The following HMGN5 variants were observed in gnomAD, a reference collection of about 807,000 sequenced individuals.
HMGN5 encodes high mobility group nucleosome binding domain 5, also known as high mobility group nucleosome-binding domain-containing protein 5.
A neutral mutation model predicts 9.5 loss-of-function variants in HMGN5; 4 were observed. That is an observed-to-expected ratio of 0.42 (90% CI 0.21 to 0.96). The LOEUF (loss-of-function observed/expected upper bound fraction) is 0.96, where lower values mean the gene tolerates loss of function less well. Among genes scored for constraint, HMGN5 ranks in the 40% least tolerant of loss-of-function variants. The pLI is 0.30. For synonymous variants in HMGN5, 55 were observed against 57.1 expected (o/e 0.96, Z 0.16); for missense variants, 192 against 187.5 (o/e 1.02, Z -0.14).
chrX:81,153,625 ATATATATATATATATG>A (rs2075374606), intron 1 of HMGN5, among the ~76,000 whole-genome samples: 1 of 47,955 alleles, frequency 2.1e-5, no homozygotes. Flanking sequence ...ATATATATAT[ATATATATATATATATG>A]TATCTCCTTG....
intron 1 of HMGN5, among the ~76,000 whole-genome samples, chrX:81,152,239 G>A (rs900825046): frequency 1.8e-5 from 2 of 111,361 alleles, no homozygotes; most frequent in East Asian, 2.8e-4. Flanking sequence ...TTTCACAACC[G>A]ACTCATCTGA....
chrX:81,133,869 T>C (rs1055527851), intron 1 of HMGN5, among the ~76,000 whole-genome samples: 1 of 111,859 alleles, frequency 8.9e-6, no homozygotes, highest in African/African-American at 3.2e-5. Flanking sequence ...AATAGAAGTA[T>C]AAAAAGTTAT....
chrX:81,189,213 C>T (rs766491900), intron 1 of HMGN5, among the ~76,000 whole-genome samples: 10 of 111,893 alleles, frequency 8.9e-5, no homozygotes, highest in South Asian at 3.7e-4. Context: ...GTCTGCTGCC[C>T]GAGAGTCTCT....
chrX:81,145,636 A>G (rs907340726), intron 1 of HMGN5, among the ~76,000 whole-genome samples: 3 of 111,931 alleles, frequency 2.7e-5, no homozygotes, highest in African/African-American at 9.8e-5. Flanking sequence ...GACAGGATCA[A>G]ATTGACACAT....
At chrX:81,136,626 A>T (rs1394966341) in intron 1 of HMGN5, among the ~76,000 whole-genome samples, 1 of 112,010 alleles carries the variant, frequency 8.9e-6, no homozygotes, top group Non-Finnish European at 1.9e-5. Context: ...AAGGCAAGAA[A>T]AGAGAAATAG....
rs755106699 is a variant in HMGN5 at position 81,201,813 on chromosome X, C to T, written c.-200G>A. ...AAGTTATGCGCAGTACTTTTAGTCT[C>T]CGCGTGAAAAGGTCCTTCATGCTAA... On this transcript the variant is annotated 5_prime_UTR_variant, in exon 1 of 7. Transcript: ENST00000358130. 1.7e-5 allele frequency: 3 copies of T among 173,356 alleles called. No individual in the cohort carries two copies. The highest frequency in any genetic ancestry group is 3.9e-4 in the East Asian group (2 of 5,123). 14.3% of individuals were successfully genotyped at this position (173,356 alleles called of 1,213,427 possible).
chrX:81,148,397 A>G (rs1280368394), intron 1 of HMGN5, among the ~76,000 whole-genome samples: 2 of 112,381 alleles, frequency 1.8e-5, no homozygotes, highest in Non-Finnish European at 3.8e-5. Flanking sequence ...TCTTTATTTA[A>G]TAAATGGTGT....
chrX:81,161,141 A>T (rs887601973), intron 1 of HMGN5, among the ~76,000 whole-genome samples: 2 of 110,383 alleles, frequency 1.8e-5, no homozygotes, highest in Non-Finnish European at 3.8e-5. Flanking sequence ...AATATTGCCC[A>T]TTGTGTGAAA....
chrX:81,155,118 C>CATATAT (rs981089415), intron 1 of HMGN5, among the ~76,000 whole-genome samples: 5 of 90,108 alleles, frequency 5.5e-5, no homozygotes, highest in Non-Finnish European at 1.1e-4. Context: ...CACACATACA[C>CATATAT]ATATATATAT....
intron 1 of HMGN5, among the ~76,000 whole-genome samples, chrX:81,146,908 T>A (rs183817333): frequency 1.2e-3 from 134 of 111,734 alleles, no homozygotes; most frequent in African/African-American, 4.0e-3. Context: ...AAGAAATGGA[T>A]AAGTTCCAGG....
At chrX:81,186,062 T>A (rs372870911) in intron 1 of HMGN5, among the ~76,000 whole-genome samples, 161 of 111,957 alleles carry the variant, frequency 1.4e-3, no homozygotes, top group African/African-American at 5.2e-3. Flanking sequence ...ACAAAGATAT[T>A]CACCTATAGT....
chrX:81,152,740 C>A (rs2075367363), intron 1 of HMGN5, among the ~76,000 whole-genome samples: 1 of 109,463 alleles, frequency 9.1e-6, no homozygotes, highest in African/African-American at 3.3e-5. Context: ...GACTTGGAAC[C>A]AACCCAAATG....
chrX:81,142,303 G>C (rs2075331973), intron 1 of HMGN5, among the ~76,000 whole-genome samples: 1 of 111,473 alleles, frequency 9.0e-6, no homozygotes, highest in African/African-American at 3.3e-5. Context: ...TTGATTCAAA[G>C]GGATAATATC....
chrX:81,140,569 A>G (rs1187601313), intron 1 of HMGN5, among the ~76,000 whole-genome samples: 1 of 106,090 alleles, frequency 9.4e-6, no homozygotes, highest in Non-Finnish European at 1.9e-5. Context: ...CAAAAAAAAA[A>G]AAAAAAAAAA....
intron 1 of HMGN5, among the ~76,000 whole-genome samples, chrX:81,200,201 A>C (rs1384379301): frequency 9.0e-6 from 1 of 111,160 alleles, no homozygotes; most frequent in Admixed American, 9.5e-5. Context: ...TTAGAATGGC[A>C]ATCATACAAC....
At chrX:81,119,125 T>A (rs1294523188) in intron 3 of HMGN5, among the ~76,000 whole-genome samples, 1 of 111,719 alleles carries the variant, frequency 9.0e-6, no homozygotes, top group Non-Finnish European at 1.9e-5. Context: ...AGGTCTTAAA[T>A]TCGAAGAAGC....
At chrX:81,172,083 C>A (rs1489462884) in intron 1 of HMGN5, among the ~76,000 whole-genome samples, 1 of 109,479 alleles carries the variant, frequency 9.1e-6, no homozygotes, top group East Asian at 2.8e-4. Flanking sequence ...ATCTTTCTTT[C>A]CCTAAAAAAA....
chrX:81,196,846 A>G (rs2075510086), intron 1 of HMGN5, among the ~76,000 whole-genome samples: 1 of 110,655 alleles, frequency 9.0e-6, no homozygotes, highest in Admixed American at 9.6e-5. Flanking sequence ...AGCTGATCTC[A>G]TGGTTTTATA....
chrX:81,137,098 G>C (rs2075313240), intron 1 of HMGN5, among the ~76,000 whole-genome samples: 1 of 111,271 alleles, frequency 9.0e-6, no homozygotes, highest in South Asian at 3.8e-4. Flanking sequence ...GAAATAGTAT[G>C]TTGAAGTCCC....
Sources: allele counts gnomAD v4.1 joint callset (sites outside exome capture counted in the v4.1 genomes callset), GRCh38; gene constraint gnomAD v4.1.1; transcripts MANE v1.5; gene names NCBI Gene and HGNC (gene_info 2026-07-23, HGNC 2026-07-21).